DENND1A: variants seen among roughly 807,000 people sequenced by gnomAD.
DENND1A encodes the protein DENN domain-containing protein 1A.
Under a neutral mutation model 113.7 loss-of-function variants are expected in DENND1A, and 51 were observed. That is an observed-to-expected ratio of 0.45 (90% CI 0.36 to 0.57). The LOEUF (loss-of-function observed/expected upper bound fraction) is 0.57. DENND1A is among the 20% of genes least tolerant of loss of function. The pLI, the probability that DENND1A is intolerant of heterozygous loss-of-function variation, is 0.00. For missense variants in DENND1A, 1,258 were observed against 1,395.9 expected, an observed-to-expected ratio of 0.90 and a Z score of 1.57; for synonymous variants, 565 against 570.8, an observed-to-expected ratio of 0.99 and a Z score of 0.14.
intron 13 of DENND1A, among the ~76,000 whole-genome samples, chr9:123,482,472 G>A (rs1393576675): frequency 6.6e-6 from 1 of 152,178 alleles, no homozygotes. Context: ...CCCTTGGCCT[G>A]GCAAACATGG....
At chr9:123,826,624 C>G (rs979476988) in intron 2 of DENND1A, among the ~76,000 whole-genome samples, 12 of 152,084 alleles carry the variant, frequency 7.9e-5, no homozygotes, top group African/African-American at 2.9e-4. Context: ...TATTAGCTCT[C>G]CCCTTTTCAC....
At chr9:123,493,566 G>C (rs2051578925) in intron 13 of DENND1A, among the ~76,000 whole-genome samples, 1 of 152,190 alleles carries the variant, frequency 6.6e-6, no homozygotes, top group Non-Finnish European at 1.5e-5. Context: ...CCTTCATCCA[G>C]AAGACATCCA....
At chr9:123,423,110 TTCTTCCAAGCTCCA>T (rs1283110113) in intron 19 of DENND1A, among the ~76,000 whole-genome samples, 1 of 152,222 alleles carries the variant, frequency 6.6e-6, no homozygotes, top group Non-Finnish European at 1.5e-5. Context: ...TGTCAGCTGC[TTCTTCCAAGCTCCA>T]GATGCTAGAG....
intron 4 of DENND1A, among the ~76,000 whole-genome samples, chr9:123,765,226 G>C (rs907065950): frequency 6.6e-6 from 1 of 152,158 alleles, no homozygotes; most frequent in Admixed American, 6.5e-5. Context: ...AACAGGGAAA[G>C]TATGGTGGAG....
intron 18 of DENND1A, among the ~76,000 whole-genome samples, chr9:123,442,559 A>T (rs2047005744): frequency 6.6e-6 from 1 of 152,172 alleles, no homozygotes. Flanking sequence ...TGGTTCAGGT[A>T]AAATTTTGTG....
At chr9:123,402,249 C>CAT (rs2043536052) in intron 21 of DENND1A, among the ~76,000 whole-genome samples, 1 of 145,776 alleles carries the variant, frequency 6.9e-6, no homozygotes, top group Non-Finnish European at 1.5e-5. Flanking sequence ...CGTGCACACA[C>CAT]ACACACACAC....
At chr9:123,540,925 A>G (rs2056242286) in intron 13 of DENND1A, among the ~76,000 whole-genome samples, 1 of 152,220 alleles carries the variant, frequency 6.6e-6, no homozygotes, top group East Asian at 1.9e-4. Flanking sequence ...TTCTAGAGGC[A>G]GACAGACCTG....
chr9:123,414,087 C>A, intron 19 of DENND1A: 2 of 993,892 alleles, frequency 2.0e-6, no homozygotes, highest in Non-Finnish European at 2.4e-6. Flanking sequence ...TGCACCAGAG[C>A]GCTCGGGAGG....
chr9:123,383,312 G>T (rs1479297966), intron 23 of DENND1A, among the ~76,000 whole-genome samples: 1 of 152,244 alleles, frequency 6.6e-6, no homozygotes, highest in African/African-American at 2.4e-5. Context: ...CTGCCAAGGA[G>T]CCCTGGCAGG....
chr9:123,813,805 ACAAAC>A (rs1022613289), intron 2 of DENND1A, among the ~76,000 whole-genome samples: 3 of 144,814 alleles, frequency 2.1e-5, no homozygotes, highest in African/African-American at 8.7e-5. Flanking sequence ...GTGCAGACTC[ACAAAC>A]AAACTTTTTA....
chr9:123,485,403 C>A (rs1460267948), intron 13 of DENND1A: 2 of 152,138 alleles, frequency 1.3e-5, no homozygotes, highest in East Asian at 3.9e-4. Context: ...CAGAGGAGCT[C>A]ATTAATGAGA....
chr9:123,489,659 T>C (rs2051199816), intron 13 of DENND1A, among the ~76,000 whole-genome samples: 1 of 152,220 alleles, frequency 6.6e-6, no homozygotes, highest in Non-Finnish European at 1.5e-5. Context: ...CTAAAAGCAG[T>C]GAAGGGCAAG....
At chr9:123,909,271 C>T (rs906957742) in intron 1 of DENND1A, among the ~76,000 whole-genome samples, 2 of 151,422 alleles carry the variant, frequency 1.3e-5, no homozygotes, top group African/African-American at 4.9e-5. Context: ...GTGGGTGCAG[C>T]GCACCAGCAT....
chr9:123,913,205 T>G (rs1239568336), intron 1 of DENND1A, among the ~76,000 whole-genome samples: 2 of 151,152 alleles, frequency 1.3e-5, no homozygotes, highest in African/African-American at 2.4e-5. Context: ...ACTAATCCCC[T>G]GTGAGAAAGC....
At chr9:123,442,307 ATCAACCAGTC>A (rs1222538454) in intron 18 of DENND1A, among the ~76,000 whole-genome samples, 1 of 152,174 alleles carries the variant, frequency 6.6e-6, no homozygotes, top group Non-Finnish European at 1.5e-5. Flanking sequence ...CCCACGTTTG[ATCAACCAGTC>A]TCAGCCAGGC....
At chr9:123,653,753 G>A (rs1308099284) in intron 8 of DENND1A, among the ~76,000 whole-genome samples, 2 of 151,838 alleles carry the variant, frequency 1.3e-5, no homozygotes, top group African/African-American at 4.8e-5. Context: ...CCTAAAGAAA[G>A]GAAAATGCTT....
At chr9:123,508,294 T>G (rs1213160634) in intron 13 of DENND1A, among the ~76,000 whole-genome samples, 1 of 152,276 alleles carries the variant, frequency 6.6e-6, no homozygotes, top group Non-Finnish European at 1.5e-5. Context: ...CAAATTCCAC[T>G]GTGTCTTTGC....
intron 13 of DENND1A, among the ~76,000 whole-genome samples, chr9:123,495,858 CGGTAT>C: frequency 6.6e-6 from 1 of 152,324 alleles, no homozygotes; most frequent in East Asian, 1.9e-4. Context: ...TGTTCCTTAG[CGGTAT>C]ACATGCTTCA....
chr9:123,452,465 G>GC, intron 16 of DENND1A, 118 bp from the exon 17 acceptor site: 1 of 797,518 alleles, frequency 1.3e-6, no homozygotes, highest in South Asian at 1.5e-5. Flanking sequence ...AATGCACATC[G>GC]AGAAATAGGC....
Sources: gnomAD v4.1 joint callset for allele counts (sites outside exome capture counted in the v4.1 genomes callset) on GRCh38, gnomAD v4.1.1 for gene constraint, MANE v1.5 for transcripts, NCBI Gene and HGNC (gene_info 2026-07-23, HGNC 2026-07-21) for gene names.